The following TENM3 variants were observed in gnomAD, a reference collection of about 807,000 sequenced individuals.
The protein encoded by TENM3 is teneurin-3.
Under a neutral mutation model 255.1 loss-of-function variants are expected in TENM3, and 63 were observed. That is an observed-to-expected ratio of 0.25 (90% CI 0.20 to 0.30). The LOEUF is 0.30. Among genes scored for constraint, TENM3 ranks in the 10% least tolerant of loss-of-function variants. The pLI, the probability that TENM3 is intolerant of heterozygous loss-of-function variation, is 1.00. For missense variants in TENM3, 2,929 were observed against 3,461.1 expected (o/e 0.85, Z 3.86); for synonymous variants, 1,306 against 1,322.3 (o/e 0.99, Z 0.27).
chr4:182,267,559 C>T (rs916707845), intron 1 of TENM3, among the ~76,000 whole-genome samples: 2 of 152,074 alleles, frequency 1.3e-5, no homozygotes, highest in African/African-American at 4.8e-5. Flanking sequence ...CACTTTCTAA[C>T]AAGTCCAGAA....
chr4:182,369,223 A>C (rs140673824), intron 3 of TENM3, among the ~76,000 whole-genome samples: 300 of 152,314 alleles, frequency 2.0e-3, no homozygotes, highest in Non-Finnish European at 3.2e-3. Context: ...ACTTTACTCA[A>C]CACTTATTAT....
intron 1 of TENM3, among the ~76,000 whole-genome samples, chr4:182,250,784 A>G (rs972196663): frequency 6.6e-6 from 1 of 152,196 alleles, no homozygotes; most frequent in Non-Finnish European, 1.5e-5. Flanking sequence ...ATTTCTGTTG[A>G]CTAAAAACAT....
intron 4 of TENM3, among the ~76,000 whole-genome samples, chr4:182,606,804 GC>G (rs1358756865): frequency 6.6e-6 from 1 of 152,154 alleles, no homozygotes; most frequent in Non-Finnish European, 1.5e-5. Context: ...TGGGCGTCAC[GC>G]CAATAATTAA....
At chr4:182,226,863 T>A (rs1435675361) in intron 1 of TENM3, among the ~76,000 whole-genome samples, 35 of 152,182 alleles carry the variant, frequency 2.3e-4, no homozygotes, top group Admixed American at 2.2e-3. Context: ...TCTCATGAAA[T>A]ACTGAGATAT....
At chr4:181,592,691 C>G in the TENM3 span, among the ~76,000 whole-genome samples, 1 of 142,572 alleles carries the variant, frequency 7.0e-6, no homozygotes, top group African/African-American at 2.5e-5. Context: ...TCTCGGTTGC[C>G]TCTCTGGAAG....
the TENM3 span, among the ~76,000 whole-genome samples, chr4:181,551,612 C>T: frequency 6.6e-6 from 1 of 151,936 alleles, no homozygotes. Flanking sequence ...TGGAGAATAG[C>T]CTCTGTCAGG....
chr4:182,628,702 A>G lies in TENM3; in HGVS notation c.801A>G (p.Ala267=), dbSNP rs1410592832. The stretch of plus-strand genomic sequence containing the variant: ...GTACAACGCCACTGTTCAGTACTGC[A>G]ACCCCAGGATACACAATGGCATCTG... The part of the protein sequence containing the change: ...GTGTTPLFST[A]TPGYTMASGS... The change falls in exon 5 of 28, where the codon GCA becomes GCG. Residue 267 remains alanine (A), a synonymous_variant. Transcript: ENST00000511685. 1.2e-6 allele frequency: 2 copies of G among 1,607,448 alleles called. No individual in the cohort carries two copies. The highest frequency in any genetic ancestry group is 8.5e-7 in the Non-Finnish European group (1 of 1,176,850).
the TENM3 span, among the ~76,000 whole-genome samples, chr4:181,848,250 G>A: frequency 6.6e-6 from 1 of 152,174 alleles, no homozygotes; most frequent in East Asian, 1.9e-4. Flanking sequence ...AGTGCACGGA[G>A]TTGAACATTT....
chr4:182,541,137 T>C (rs75257016), intron 3 of TENM3, among the ~76,000 whole-genome samples: 6,053 of 152,282 alleles, frequency 0.04, 234 homozygotes, highest in East Asian at 0.11. Context: ...GAATTCTAGC[T>C]CAGGAAGTCT....
intron 22 of TENM3, among the ~76,000 whole-genome samples, chr4:182,766,431 T>G (rs1036711480): frequency 3.3e-5 from 5 of 152,296 alleles, no homozygotes; most frequent in African/African-American, 1.2e-4. Flanking sequence ...TAATGATGGC[T>G]AACCCAGAAT....
intron 1 of TENM3, among the ~76,000 whole-genome samples, chr4:182,307,812 G>T (rs2150400401): frequency 6.6e-6 from 1 of 152,318 alleles, no homozygotes; most frequent in East Asian, 1.9e-4. Flanking sequence ...CCTTGAAAGT[G>T]TGGTTTTTAA....
the TENM3 span, among the ~76,000 whole-genome samples, chr4:182,115,628 A>G: frequency 6.6e-6 from 1 of 152,206 alleles, no homozygotes; most frequent in Non-Finnish European, 1.5e-5. Context: ...TATCTAGTTC[A>G]GTGTTTTCCA....
chr4:182,717,518 AT>A (rs1374613998), intron 13 of TENM3, among the ~76,000 whole-genome samples: 1 of 152,192 alleles, frequency 6.6e-6, no homozygotes, highest in Admixed American at 6.5e-5. Context: ...TCAGTAAGGT[AT>A]CCCCCTCATC....
intron 3 of TENM3, among the ~76,000 whole-genome samples, chr4:182,466,302 A>G (rs1332672848): frequency 6.6e-6 from 1 of 152,060 alleles, no homozygotes; most frequent in Non-Finnish European, 1.5e-5. Context: ...TCCTCTGAAT[A>G]CTCTAGGGAA....
chr4:182,202,441 G>A (rs1438792535), intron 1 of TENM3, among the ~76,000 whole-genome samples: 1 of 151,966 alleles, frequency 6.6e-6, no homozygotes. Context: ...AAGCAGCTGG[G>A]ATTGCAGGCA....
chr4:181,761,032 T>C, the TENM3 span, among the ~76,000 whole-genome samples: 1 of 147,188 alleles, frequency 6.8e-6, no homozygotes, highest in Non-Finnish European at 1.5e-5. Flanking sequence ...ATCATTTTGG[T>C]AAGTCTGTTC....
the TENM3 span, among the ~76,000 whole-genome samples, chr4:181,907,554 G>A: frequency 6.6e-6 from 1 of 152,188 alleles, no homozygotes; most frequent in Non-Finnish European, 1.5e-5. Context: ...AGAGTCCTGT[G>A]CTGGGTATTA....
chr4:181,540,913 T>G, the TENM3 span, among the ~76,000 whole-genome samples: 3 of 151,112 alleles, frequency 2.0e-5, no homozygotes, highest in Non-Finnish European at 2.9e-5. Context: ...TATTGGCTCA[T>G]TAATAGTAAT....
chr4:182,567,512 A>C (rs1743911156), intron 3 of TENM3, among the ~76,000 whole-genome samples: 1 of 152,144 alleles, frequency 6.6e-6, no homozygotes, highest in East Asian at 1.9e-4. Flanking sequence ...ATTCTACATG[A>C]CCTGGCTCCT....
Sources: allele counts gnomAD v4.1 joint callset (sites outside exome capture counted in the v4.1 genomes callset), GRCh38; gene constraint gnomAD v4.1.1; transcripts MANE v1.5; gene names NCBI Gene and HGNC (gene_info 2026-07-23, HGNC 2026-07-21).